The following TTC39B variants were observed in gnomAD, a reference collection of about 807,000 sequenced individuals.
TTC39B encodes the protein tetratricopeptide repeat domain 39B, also known as tetratricopeptide repeat protein 39B.
A neutral mutation model predicts 96.6 loss-of-function variants in TTC39B; 92 were observed. That is an observed-to-expected ratio of 0.95 (90% CI 0.80 to 1.13). The LOEUF (loss-of-function observed/expected upper bound fraction) is 1.13, where lower values mean the gene tolerates loss of function less well. Ranked by LOEUF, TTC39B falls within the 50% of genes most tolerant of loss-of-function variation. The pLI is 0.00. For synonymous variants in TTC39B, 367 were observed against 299.4 expected (o/e 1.23, Z -2.33); for missense variants, 955 against 809.3 (o/e 1.18, Z -2.18).
chr9:15,269,582 A>C (rs1404240666), intron 1 of TTC39B, among the ~76,000 whole-genome samples: 2 of 152,168 alleles, frequency 1.3e-5, no homozygotes, highest in Non-Finnish European at 1.5e-5. Flanking sequence ...GGCCAGGCGC[A>C]GTGGCTCATG....
chr9:15,206,460 A>G (rs528404273), intron 6 of TTC39B, among the ~76,000 whole-genome samples: 5 of 152,354 alleles, frequency 3.3e-5, no homozygotes, highest in African/African-American at 9.6e-5. Flanking sequence ...CACTAAGAAT[A>G]AAATACAGCT....
exon 20 of TTC39B, chr9:15,167,014 A>G (rs1564299850): frequency 1.5e-4 from 1 of 6,568 alleles, no homozygotes; most frequent in South Asian, 6.3e-3. Context: ...ATATATATAT[A>G]TATATATATA....
chr9:15,234,888 A>G (rs1821696277), intron 2 of TTC39B, among the ~76,000 whole-genome samples: 3 of 151,996 alleles, frequency 2.0e-5, no homozygotes, highest in South Asian at 4.1e-4. Context: ...GGACACAAAC[A>G]CTGCGGAAGG....
chr9:15,301,449 T>C (rs918355164), intron 1 of TTC39B, among the ~76,000 whole-genome samples: 2 of 152,168 alleles, frequency 1.3e-5, no homozygotes, highest in Non-Finnish European at 2.9e-5. Flanking sequence ...CAATGAACGT[T>C]GGTGGAATGA....
chr9:15,294,411 G>T (rs1312979082), intron 1 of TTC39B, among the ~76,000 whole-genome samples: 1 of 152,174 alleles, frequency 6.6e-6, no homozygotes, highest in Non-Finnish European at 1.5e-5. Context: ...TGAAAACCCT[G>T]TAAGAACTTT....
chr9:15,227,067 G>A (rs1208278417), intron 2 of TTC39B, among the ~76,000 whole-genome samples: 2 of 152,132 alleles, frequency 1.3e-5, no homozygotes, highest in African/African-American at 4.8e-5. Context: ...AGCACTTTGG[G>A]AGGCCGAGGC....
At chr9:15,264,783 C>A (rs1823069381) in intron 2 of TTC39B, among the ~76,000 whole-genome samples, 1 of 149,400 alleles carries the variant, frequency 6.7e-6, no homozygotes, top group East Asian at 1.9e-4. Context: ...TATATATACA[C>A]AATAAAATTT....
At position 15,285,513 on chromosome 9, in the gene TTC39B, T is replaced by C. The variant is rs189578757; in HGVS notation, c.241-17565A>G. Among the ~76,000 whole-genome samples, 4 of 152,298 alleles carry C rather than the reference T, an allele frequency of 2.6e-5. No homozygotes were observed. In the East Asian group the frequency reaches 5.8e-4, roughly 22 times the overall value. On this transcript the variant is annotated intron_variant, in intron 1 of 19. Coordinates refer to ENST00000512701, the Ensembl canonical transcript of TTC39B. The stretch of plus-strand genomic sequence containing the variant: ...CAAAATATCACATGTACCGTATAAA[T>C]GTATACGCCTATTATGTACCCATAA...
chr9:15,186,018 G>A (rs997928953), intron 15 of TTC39B, among the ~76,000 whole-genome samples: 4 of 152,132 alleles, frequency 2.6e-5, no homozygotes, highest in African/African-American at 9.7e-5. Context: ...TTCCAATTAT[G>A]AAATTCATAA....
intron 2 of TTC39B, among the ~76,000 whole-genome samples, chr9:15,256,748 C>G (rs1423977004): frequency 6.6e-6 from 1 of 152,150 alleles, no homozygotes; most frequent in African/African-American, 2.4e-5. Context: ...GGCAAACACG[C>G]TCCAATCCGG....
At chr9:15,250,516 A>C (rs1458314291) in intron 2 of TTC39B, among the ~76,000 whole-genome samples, 1 of 152,210 alleles carries the variant, frequency 6.6e-6, no homozygotes, top group African/African-American at 2.4e-5. Context: ...AAAATACTAA[A>C]TAAGAGAAAA....
chr9:15,191,173 T>TA lies in TTC39B; in HGVS notation c.996+16dup, dbSNP rs1818835876. 1 of 1,560,572 alleles carries TA rather than the reference T, an allele frequency of 6.4e-7. No individual in the cohort carries two copies. The highest frequency in any genetic ancestry group is 8.8e-7 in the Non-Finnish European group (1 of 1,134,210). The stretch of plus-strand genomic sequence containing the variant: ...CTTATCTTCCCTGTCAAAATTAACA[T>TA]AAAATTAAATTTGTACCCTATTCCC... On this transcript the variant is annotated intron_variant, in intron 10 of 19. Transcript: ENST00000512701.
At chr9:15,250,211 A>G (rs1822471282) in intron 2 of TTC39B, 2 of 1,128,364 alleles carry the variant, frequency 1.8e-6, no homozygotes, top group Non-Finnish European at 2.2e-6. Flanking sequence ...GCTGTAGCGG[A>G]TGCTTCTGCA....
chr9:15,298,528 G>C (rs550275592), intron 1 of TTC39B, among the ~76,000 whole-genome samples: 1 of 152,190 alleles, frequency 6.6e-6, no homozygotes, highest in East Asian at 1.9e-4. Context: ...GAGTGTGTGC[G>C]GGGAAACTGC....
At chr9:15,262,424 G>A (rs1470948866) in intron 2 of TTC39B, among the ~76,000 whole-genome samples, 1 of 152,130 alleles carries the variant, frequency 6.6e-6, no homozygotes, top group Admixed American at 6.5e-5. Flanking sequence ...AAAGAACATG[G>A]TCAATGTACT....
At chr9:15,255,626 G>C (rs1267183172) in intron 2 of TTC39B, among the ~76,000 whole-genome samples, 3 of 151,898 alleles carry the variant, frequency 2.0e-5, no homozygotes, top group Non-Finnish European at 4.4e-5. Context: ...AGGGTAAAAA[G>C]TTAACAAAAG....
intron 9 of TTC39B, 119 bp downstream of exon 9, chr9:15,192,471 G>C: frequency 1.4e-6 from 1 of 707,274 alleles, no homozygotes; most frequent in Non-Finnish European, 2.4e-6. Context: ...TCCCACTCTA[G>C]CTGTTTGTCA....
At chr9:15,200,166 T>C (rs1819450565) in intron 7 of TTC39B, among the ~76,000 whole-genome samples, 1 of 152,242 alleles carries the variant, frequency 6.6e-6, no homozygotes, top group Non-Finnish European at 1.5e-5. Flanking sequence ...GATTATTTTA[T>C]ATTACTAAGG....
chr9:15,295,800 C>A (rs1824352526), intron 1 of TTC39B, among the ~76,000 whole-genome samples: 1 of 152,176 alleles, frequency 6.6e-6, no homozygotes, highest in African/African-American at 2.4e-5. Flanking sequence ...CTAAGCCCAG[C>A]TGGCCACTCT....
Sources: allele counts gnomAD v4.1 joint callset (sites outside exome capture counted in the v4.1 genomes callset), GRCh38; gene constraint gnomAD v4.1.1; transcripts MANE v1.5; gene names NCBI Gene and HGNC (gene_info 2026-07-23, HGNC 2026-07-21).